ARFGEF3: variants seen among roughly 807,000 people sequenced by gnomAD.
ARFGEF3 encodes the protein ARFGEF family member 3.
A neutral mutation model predicts 221.7 loss-of-function variants in ARFGEF3; 96 were observed. That is an observed-to-expected ratio of 0.43 (90% CI 0.37 to 0.51). The LOEUF (loss-of-function observed/expected upper bound fraction) is 0.51, where lower values mean the gene tolerates loss of function less well. Among genes scored for constraint, ARFGEF3 ranks in the 20% least tolerant of loss-of-function variants. The pLI, the probability that ARFGEF3 is intolerant of heterozygous loss-of-function variation, is 0.00. For missense variants in ARFGEF3, 2,410 were observed against 2,789.9 expected, an observed-to-expected ratio of 0.86 and a Z score of 3.07; for synonymous variants, 1,145 against 1,126.8, an observed-to-expected ratio of 1.02 and a Z score of -0.32.
chr6:138,218,155 G>A, intron 4 of ARFGEF3: 2 of 1,613,948 alleles, frequency 1.2e-6, no homozygotes, highest in Non-Finnish European at 8.5e-7. Context: ...AAGGGTGTGA[G>A]AATTGCATGG....
intron 17 of ARFGEF3, among the ~76,000 whole-genome samples, chr6:138,289,238 C>T (rs1779354976): frequency 1.3e-5 from 2 of 152,186 alleles, no homozygotes; most frequent in African/African-American, 4.8e-5. Context: ...CAGATGTGAG[C>T]CACCACACCC....
chr6:138,205,119 T>C (rs905824892), intron 2 of ARFGEF3, among the ~76,000 whole-genome samples: 1 of 152,162 alleles, frequency 6.6e-6, no homozygotes. Flanking sequence ...GCGAACATAT[T>C]GCTGCTTTCC....
chr6:138,272,217 A>G (rs989736909), intron 12 of ARFGEF3, among the ~76,000 whole-genome samples: 2 of 152,072 alleles, frequency 1.3e-5, no homozygotes, highest in East Asian at 1.9e-4. Context: ...GTGCAGTGGC[A>G]CGATCTCGGC....
chr6:138,272,880 C>G (rs1290669042), intron 12 of ARFGEF3, among the ~76,000 whole-genome samples: 2 of 152,212 alleles, frequency 1.3e-5, no homozygotes, highest in East Asian at 3.8e-4. Flanking sequence ...TATACTTATT[C>G]TGCTTTTAGT....
chr6:138,221,826 A>AT (rs1777987987), intron 4 of ARFGEF3, among the ~76,000 whole-genome samples: 1 of 152,156 alleles, frequency 6.6e-6, no homozygotes, highest in Non-Finnish European at 1.5e-5. Context: ...AATTTGAAAG[A>AT]TTTTCCACCT....
intron 2 of ARFGEF3, among the ~76,000 whole-genome samples, chr6:138,201,923 A>G (rs535102985): frequency 2.1e-4 from 32 of 152,120 alleles, no homozygotes; most frequent in Non-Finnish European, 3.8e-4. Flanking sequence ...CCCTTTGTCC[A>G]TTGTTACCTG....
At chr6:138,286,670 A>G (rs769031090) in intron 15 of ARFGEF3, 31 bp from the exon 16 acceptor site, 4 of 1,603,842 alleles carry the variant, frequency 2.5e-6, no homozygotes, top group South Asian at 2.2e-5. Flanking sequence ...TTTTGTCTCT[A>G]GAAAATGACA....
rs1562222962 is a variant in ARFGEF3 at position 138,340,626 on chromosome 6, TCAC to T, written c.*4141_*4143del. ...TTACCTGTATTATCACACGTAGTCCTCACAACAACCTTGTGAGACAAGTGTTGT... is the reference window on the plus strand; with the variant it reads ...TTACCTGTATTATCACACGTAGTCCTAACAACCTTGTGAGACAAGTGTTGT... On this transcript the variant is annotated 3_prime_UTR_variant, in exon 34 of 34. Transcript: ENST00000251691. 4 of 152,182 alleles carry T rather than the reference TCAC, an allele frequency of 2.6e-5. No individual in the cohort carries two copies. The highest frequency in any genetic ancestry group is 9.7e-5 in the African/African-American group (4 of 41,438). The allele number at this position is 152,182 out of a possible 1,614,324, so 9.4% of individuals were successfully genotyped here.
At position 138,262,880 on chromosome 6, in the gene ARFGEF3, A is replaced by G. The variant is rs1443527274; in HGVS notation, c.1397A>G (p.Glu466Gly). Reference protein sequence around the residue: ...LRLEELKDGAEWSRDSMEINE... With the variant: ...LRLEELKDGAGWSRDSMEINE... ...CTTGAGGAGCTGAAGGATGGGGCTG[A>G]GTGGAGCCGAGATTCCATGGAGATC... is the stretch of plus-strand genomic sequence containing the variant. The change falls in exon 12 of 34, where the codon GAG (glutamate) becomes GGG (glycine). Residue 466 changes from glutamate (E) to glycine (G), a missense_variant. Physicochemically the swap from Glu to Gly is moderately conservative, Grantham distance 98. Coordinates refer to ENST00000251691, the MANE Select transcript of ARFGEF3 (RefSeq NM_020340.5). The G allele has an allele frequency of 6.2e-7, 1 of 1,613,582 alleles. No individual in the cohort carries two copies. Among genetic ancestry groups the G allele is most frequent in the Non-Finnish European group, 8.5e-7 (1 of 1,179,742 alleles).
intron 6 of ARFGEF3, among the ~76,000 whole-genome samples, chr6:138,240,461 C>A (rs1000233812): frequency 1.3e-5 from 2 of 152,058 alleles, no homozygotes; most frequent in Non-Finnish European, 2.9e-5. Flanking sequence ...AATATCCCAG[C>A]CTTTTAGCTC....
At position 138,263,410 on chromosome 6, in the gene ARFGEF3, A is replaced by G. The variant is rs945155902; in HGVS notation, c.1927A>G (p.Thr643Ala). 5.6e-6 allele frequency: 9 copies of G among 1,613,974 alleles called. No individual in the cohort carries two copies. The highest frequency in any genetic ancestry group is 2.2e-5 in the South Asian group (2 of 91,078). Residue 643 changes from threonine to alanine, a missense_variant, in exon 12 of 34, where the codon ACA (threonine) becomes GCA (alanine). Physicochemically the swap from Thr to Ala is moderately conservative, Grantham distance 58 (BLOSUM62 0). Around this residue, in one of 5 missense-constraint regions of ARFGEF3, gnomAD observed 594 missense variants for 734.3 expected, o/e 0.81. Coordinates refer to ENST00000251691, the MANE Select transcript of ARFGEF3 (RefSeq NM_020340.5). Reference sequence around the variant, plus strand: ...CTGTTCACTAGCCGATGAAGAGCAGACACCCCGGGACTGCCTAGGCCACCG... The same window carrying G: ...CTGTTCACTAGCCGATGAAGAGCAGGCACCCCGGGACTGCCTAGGCCACCG... ...DNCSLADEEQ[T>A]PRDCLGHRSL...
chr6:138,328,213 A>G (rs1583069769), intron 32 of ARFGEF3, 71 bp downstream of exon 32: 2 of 1,463,834 alleles, frequency 1.4e-6, no homozygotes, highest in East Asian at 4.8e-5. Context: ...GTTCTCACAC[A>G]TTGTAATCTG....
intron 2 of ARFGEF3, among the ~76,000 whole-genome samples, chr6:138,180,307 A>G (rs1280207512): frequency 6.6e-6 from 1 of 152,230 alleles, no homozygotes; most frequent in Non-Finnish European, 1.5e-5. Flanking sequence ...TCCCACTGCC[A>G]TGGAGGAAGC....
chr6:138,299,352 G>C (rs1272534548), intron 22 of ARFGEF3, among the ~76,000 whole-genome samples: 3 of 151,518 alleles, frequency 2.0e-5, no homozygotes, highest in African/African-American at 7.3e-5. Context: ...TCAGTGATTG[G>C]TGGAGCTGGG....
rs1481593232 is a variant in ARFGEF3 at position 138,339,910 on chromosome 6, A to G, written c.*3424A>G. ...GACTGACCGATAAGAACCCAGGCAG[A>G]TGCTAACATACTTAACAGCTCGCAT... is the stretch of plus-strand genomic sequence containing the variant. On this transcript the variant is annotated 3_prime_UTR_variant, in exon 34 of 34. Coordinates refer to ENST00000251691, the MANE Select transcript of ARFGEF3 (RefSeq NM_020340.5). 2 of 152,210 alleles carry G rather than the reference A, an allele frequency of 1.3e-5. No individual in the cohort carries two copies. The highest frequency in any genetic ancestry group is 4.8e-5 in the African/African-American group (2 of 41,454). The allele number at this position is 152,210 out of a possible 1,614,324, so 9.4% of individuals were successfully genotyped here. A position where few individuals can be genotyped will look rare whatever the true frequency, so the allele number is the denominator to read the frequency against.
intron 12 of ARFGEF3, among the ~76,000 whole-genome samples, chr6:138,266,033 T>C (rs1450839325): frequency 1.3e-5 from 2 of 151,826 alleles, no homozygotes; most frequent in Admixed American, 6.6e-5. Context: ...CTAGGCAACA[T>C]AGGGAGAACC....
chr6:138,307,398 G>T lies in ARFGEF3; in HGVS notation c.3973+1G>T. ...TACCTGGTTGGTGACTACTCCATGG[G>T]TAAGAATGTTTGGATGATTCTTGCT... On this transcript the variant is annotated splice_donor_variant, in intron 23 of 33. Transcript: ENST00000251691. LOFTEE classifies it high-confidence loss of function. The T allele has an allele frequency of 6.2e-7, 1 of 1,612,746 alleles. No homozygotes were observed.
Position 138,263,076 on chromosome 6 carries a change from C to T in ARFGEF3, c.1593C>T (p.Asn531=). ...GQTTPEDHSG[N]HKNSLKSPAI... ...CTACACCCGAGGACCATTCGGGAAA[C>T]CACAAGAACAGTCTCAAGTCGCCAG... is the stretch of plus-strand genomic sequence containing the variant. Residue 531 remains asparagine, a synonymous_variant, in exon 12 of 34, where the codon AAC becomes AAT. Coordinates refer to ENST00000251691, the MANE Select transcript of ARFGEF3 (RefSeq NM_020340.5). 1 of 1,613,718 alleles carries T rather than the reference C, an allele frequency of 6.2e-7. No individual in the cohort carries two copies. Among genetic ancestry groups the T allele is most frequent in the Non-Finnish European group, 8.5e-7 (1 of 1,179,796 alleles).
rs1375764588 is a variant in ARFGEF3 at position 138,161,971 on chromosome 6, G to A, written c.-116G>A. On this transcript the variant is annotated 5_prime_UTR_variant, in exon 1 of 34. An upstream start codon of the reference 5' UTR is lost. Coordinates refer to ENST00000251691, the MANE Select transcript of ARFGEF3 (RefSeq NM_020340.5). ...ATCAGCATCCGCGCCGGGGCGGCAT[G>A]GGGGCGCGCGCGGCGGCCGCCTAGG... The A allele has an allele frequency of 5.0e-6, 2 of 396,542 alleles. No homozygotes were observed. The highest frequency in any genetic ancestry group is 1.1e-4 in the Admixed American group (2 of 18,582). The allele number at this position is 396,542 out of a possible 1,614,324, so 24.6% of individuals were successfully genotyped here.
Sources: gnomAD v4.1 joint callset for allele counts (sites outside exome capture counted in the v4.1 genomes callset) on GRCh38, gnomAD v4.1.1 for gene constraint, gnomAD v4.1.1 regional missense constraint, MANE v1.5 for transcripts, NCBI Gene and HGNC (gene_info 2026-07-23, HGNC 2026-07-21) for gene names.